The following SLC4A4 variants were observed in gnomAD, a reference collection of about 807,000 sequenced individuals.
The protein encoded by SLC4A4 is solute carrier family 4 member 4.
A neutral mutation model predicts 111.5 loss-of-function variants in SLC4A4; 27 were observed. That is an observed-to-expected ratio of 0.24 (90% CI 0.18 to 0.33). SLC4A4 has a LOEUF of 0.33. SLC4A4 is among the 10% of genes least tolerant of loss of function. SLC4A4 has a pLI of 1.00. For missense variants in SLC4A4, 909 were observed against 1,315.5 expected, an observed-to-expected ratio of 0.69 and a Z score of 4.78; for synonymous variants, 443 against 463.4, an observed-to-expected ratio of 0.96 and a Z score of 0.57.
At chr4:71,473,421 C>A (rs1476736604) in intron 14 of SLC4A4, 2 of 276,992 alleles carry the variant, frequency 7.2e-6, no homozygotes, top group East Asian at 6.3e-5. Flanking sequence ...TAATCCACTT[C>A]AGATAATTTA....
intron 3 of SLC4A4, among the ~76,000 whole-genome samples, chr4:71,271,008 T>A (rs958633183): frequency 6.6e-6 from 1 of 152,158 alleles, no homozygotes; most frequent in Non-Finnish European, 1.5e-5. Context: ...TATAGCTTTT[T>A]GGACAGCCTA....
At chr4:71,222,482 A>T (rs1053129546) in intron 1 of SLC4A4, among the ~76,000 whole-genome samples, 4 of 152,180 alleles carry the variant, frequency 2.6e-5, no homozygotes, top group Non-Finnish European at 5.9e-5. Context: ...TTATGCAACG[A>T]TTTTTAAATT....
rs542548367 is a variant in SLC4A4, at chr4:71,426,878, A to G, written c.808-13738A>G. On this transcript the variant is annotated intron_variant, in intron 7 of 25. Coordinates refer to ENST00000264485, the MANE Select transcript of SLC4A4 (RefSeq NM_001098484.3). ...CTTTATAAAAATCTTTATGAGTTACAGCTGTAAAATATGGTTGTAGTTTTT... is the reference window on the plus strand; with the variant it reads ...CTTTATAAAAATCTTTATGAGTTACGGCTGTAAAATATGGTTGTAGTTTTT... Among the ~76,000 whole-genome samples, 7 of 152,260 alleles carry G rather than the reference A, an allele frequency of 4.6e-5. No individual in the cohort carries two copies. The South Asian group carries it at 1.5e-3, about 32-fold the overall frequency.
chr4:71,265,091 C>A (rs1482231833), intron 3 of SLC4A4, among the ~76,000 whole-genome samples: 1 of 152,120 alleles, frequency 6.6e-6, no homozygotes, highest in Non-Finnish European at 1.5e-5. Context: ...CTCTTTTATC[C>A]TATTATTTTA....
At chr4:71,436,415 AG>A (rs1446492470) in intron 7 of SLC4A4, among the ~76,000 whole-genome samples, 7 of 152,118 alleles carry the variant, frequency 4.6e-5, no homozygotes, top group Non-Finnish European at 1.0e-4. Flanking sequence ...TCAGGGGGTC[AG>A]GGGTCATGGG....
chr4:71,068,710 C>T (rs150634924), intron 1 of SLC4A4, among the ~76,000 whole-genome samples: 154 of 152,138 alleles, frequency 1.0e-3, no homozygotes, highest in African/African-American at 3.5e-3. Flanking sequence ...TACAGGTATG[C>T]GCCACCACAC....
intron 1 of SLC4A4, among the ~76,000 whole-genome samples, chr4:71,210,604 A>G (rs774245953): frequency 1.1e-4 from 17 of 152,146 alleles, no homozygotes; most frequent in Non-Finnish European, 2.2e-4. Context: ...CCCCACACTT[A>G]CCCCAAGGAA....
chr4:71,156,588 G>GCGCGCACACACACACA (rs376043069), intron 2 of SLC4A4, among the ~76,000 whole-genome samples: 31 of 138,570 alleles, frequency 2.2e-4, no homozygotes, highest in East Asian at 1.3e-3. Context: ...GCGCGCGCGC[G>GCGCGCACACACACACA]CACACACACA....
rs111557300 is a variant in SLC4A4, at chr4:71,098,547, T to G, written c.-2+5755T>G. ...TTCATGTGAATTTTAAAATAGTTTTTTCCACAAAAAGAAACTGGCATAATA... is the reference window on the plus strand; with the variant it reads ...TTCATGTGAATTTTAAAATAGTTTTGTCCACAAAAAGAAACTGGCATAATA... On this transcript the variant is annotated intron_variant, in intron 2 of 26. Transcript: ENST00000649996. 6.3e-3 allele frequency among the ~76,000 whole-genome samples: 959 copies of G among 152,272 alleles called. 14 individuals carry two copies. The highest frequency in any genetic ancestry group is 0.022 in the African/African-American group (927 of 41,546).
chr4:71,393,034 A>G (rs899485768), intron 6 of SLC4A4, among the ~76,000 whole-genome samples: 8 of 152,156 alleles, frequency 5.3e-5, no homozygotes, highest in African/African-American at 9.6e-5. Context: ...AATAAAAGCC[A>G]TCTATGACAA....
chr4:71,116,038 G>T (rs1187935588), intron 2 of SLC4A4, among the ~76,000 whole-genome samples: 2 of 152,164 alleles, frequency 1.3e-5, no homozygotes, highest in African/African-American at 2.4e-5. Flanking sequence ...GGGTCTACAG[G>T]CACACACCAC....
chr4:71,243,861 G>A (rs897891494), intron 2 of SLC4A4, among the ~76,000 whole-genome samples: 41 of 152,270 alleles, frequency 2.7e-4, no homozygotes, highest in African/African-American at 8.9e-4. Context: ...ATTTTTGGAA[G>A]AACAGACTCT....
intron 16 of SLC4A4, among the ~76,000 whole-genome samples, chr4:71,503,885 C>T (rs1350462275): frequency 6.6e-6 from 1 of 152,128 alleles, no homozygotes; most frequent in South Asian, 2.1e-4. Context: ...ATTCCCTCAG[C>T]TTTTGCTTGT....
intron 11 of SLC4A4, among the ~76,000 whole-genome samples, chr4:71,452,429 T>C (rs1202549797): frequency 6.6e-6 from 1 of 152,206 alleles, no homozygotes; most frequent in Non-Finnish European, 1.5e-5. Flanking sequence ...TAATTGAATG[T>C]CTGTAGTATG....
rs181184794 is a variant in SLC4A4, at chr4:71,349,907, C to T, written c.390-5C>T. The T allele has an allele frequency of 1.8e-4, 296 of 1,613,962 alleles. 3 individuals carry two copies. Among genetic ancestry groups the T allele is most frequent in the Admixed American group, 1.6e-3 (95 of 59,990 alleles). ...AATTGCTCTTCACTAATCTCATCTT[C>T]CTAGGTGGATCAAGTTTGAAGAAAA... On this transcript the variant is annotated splice_region_variant and splice_polypyrimidine_tract_variant and intron_variant, in intron 4 of 25. Coordinates refer to ENST00000264485, the MANE Select transcript of SLC4A4 (RefSeq NM_001098484.3).
At chr4:71,330,898 AC>A (rs2148878383) in intron 3 of SLC4A4, among the ~76,000 whole-genome samples, 1 of 152,178 alleles carries the variant, frequency 6.6e-6, no homozygotes, top group African/African-American at 2.4e-5. Context: ...GAAAAAAACA[AC>A]CCCATCAAAA....
chr4:71,312,958 A>T (rs997947899), intron 3 of SLC4A4, among the ~76,000 whole-genome samples: 2 of 73,152 alleles, frequency 2.7e-5, no homozygotes, highest in East Asian at 1.1e-3. Flanking sequence ...AAGGGTATTC[A>T]ATTCAAATAG....
chr4:71,547,631 T>G lies in SLC4A4; in HGVS notation c.2622-17T>G. The G allele has an allele frequency of 6.2e-7, 1 of 1,607,002 alleles. No homozygotes were observed. On this transcript the variant is annotated splice_polypyrimidine_tract_variant and intron_variant, in intron 19 of 25. Coordinates refer to ENST00000264485, the MANE Select transcript of SLC4A4 (RefSeq NM_001098484.3). ...GAAGACAAGAGGTAGATTGGTAATC[T>G]TTTGATTTGGTTTCAGGGAACAAAG...
chr4:71,210,112 G>A (rs1264671430), intron 1 of SLC4A4, among the ~76,000 whole-genome samples: 1 of 152,204 alleles, frequency 6.6e-6, no homozygotes, highest in African/African-American at 2.4e-5. Context: ...AACTACCAGT[G>A]TGGACACCAA....
Sources: gnomAD v4.1 joint callset for allele counts (sites outside exome capture counted in the v4.1 genomes callset) on GRCh38, gnomAD v4.1.1 for gene constraint, MANE v1.5 for transcripts, NCBI Gene and HGNC (gene_info 2026-07-23, HGNC 2026-07-21) for gene names.